PTPRD: variants seen among roughly 807,000 people sequenced by gnomAD.
The protein encoded by PTPRD is protein tyrosine phosphatase receptor type D, also known as receptor-type tyrosine-protein phosphatase delta.
A neutral mutation model predicts 214.5 loss-of-function variants in PTPRD; 34 were observed. The observed-to-expected ratio is 0.16, with a 90% CI of 0.12 to 0.21. The LOEUF (loss-of-function observed/expected upper bound fraction) is 0.21. Among genes scored for constraint, PTPRD ranks in the 10% least tolerant of loss-of-function variants. PTPRD has a pLI of 1.00. For missense variants in PTPRD, 2,545 were observed against 2,398.7 expected (o/e 1.06, Z -1.27); for synonymous variants, 1,128 against 845.7 (o/e 1.33, Z -5.79).
At chr9:8,520,283 G>T (rs1261668813) in intron 20 of PTPRD, among the ~76,000 whole-genome samples, 1 of 152,112 alleles carries the variant, frequency 6.6e-6, no homozygotes, top group African/African-American at 2.4e-5. Flanking sequence ...TTTCACGATT[G>T]TAAATGTTGA....
At chr9:9,382,893 A>C (rs1047303636) in intron 9 of PTPRD, among the ~76,000 whole-genome samples, 3 of 152,256 alleles carry the variant, frequency 2.0e-5, no homozygotes, top group East Asian at 3.9e-4. Flanking sequence ...AGACACAAAA[A>C]CAACCAACCT....
rs1008954856 is a variant in PTPRD at position 8,813,299 on chromosome 9, A to C, written c.-103-79353T>G. Among the ~76,000 whole-genome samples the C allele has an allele frequency of 9.2e-5, 14 of 152,270 alleles. No homozygotes were observed. In the South Asian group the frequency reaches 2.9e-3, roughly 32 times the overall value. ...GAGGCTGGAGGAAGAGGCCAGAGGG[A>C]GTCACCAGCCACAAAGGAATAGCTT... is the stretch of plus-strand genomic sequence containing the variant. On this transcript the variant is annotated intron_variant, in intron 11 of 45. Transcript: ENST00000381196.
chr9:8,934,393 A>ATG (rs756848411), intron 11 of PTPRD, among the ~76,000 whole-genome samples: 599 of 48,194 alleles, frequency 0.012, 25 homozygotes, highest in Non-Finnish European at 0.016. Context: ...AATACTAATT[A>ATG]TGTGTGTGTG....
chr9:10,490,174 T>C (rs1426307312), intron 2 of PTPRD, among the ~76,000 whole-genome samples: 1 of 152,200 alleles, frequency 6.6e-6, no homozygotes, highest in African/African-American at 2.4e-5. Context: ...AGGGATATAG[T>C]TATTTTTCTC....
intron 8 of PTPRD, among the ~76,000 whole-genome samples, chr9:9,495,967 C>G (rs2096165506): frequency 6.6e-6 from 1 of 152,120 alleles, no homozygotes. Context: ...CACCTCAGGC[C>G]CCGCATGAAG....
intron 3 of PTPRD, among the ~76,000 whole-genome samples, chr9:10,149,673 T>A (rs570295348): frequency 1.3e-5 from 2 of 152,062 alleles, no homozygotes; most frequent in Non-Finnish European, 2.9e-5. Flanking sequence ...TTATTGATTA[T>A]CTATAAAACT....
chr9:10,597,051 T>C (rs1480601634), intron 2 of PTPRD, among the ~76,000 whole-genome samples: 3 of 151,246 alleles, frequency 2.0e-5, no homozygotes, highest in South Asian at 2.1e-4. Flanking sequence ...ATCTAGGTTA[T>C]AGTCTTGGAT....
chr9:9,146,114 A>G (rs1173194844), intron 10 of PTPRD, among the ~76,000 whole-genome samples: 1 of 152,204 alleles, frequency 6.6e-6, no homozygotes, highest in Non-Finnish European at 1.5e-5. Flanking sequence ...GGGTTTTGAT[A>G]CACATTTTCC....
intron 11 of PTPRD, among the ~76,000 whole-genome samples, chr9:8,797,725 G>C (rs1447560146): frequency 6.6e-6 from 1 of 152,124 alleles, no homozygotes; most frequent in African/African-American, 2.4e-5. Flanking sequence ...ACTATGCTTT[G>C]TATTAAAGAT....
intron 35 of PTPRD, among the ~76,000 whole-genome samples, chr9:8,418,537 G>A (rs1195382196): frequency 1.3e-5 from 2 of 151,660 alleles, no homozygotes; most frequent in Non-Finnish European, 2.9e-5. Flanking sequence ...AAAATGGCTA[G>A]CCCAGTGCAT....
At chr9:9,583,971 G>T (rs1417586941) in intron 7 of PTPRD, among the ~76,000 whole-genome samples, 1 of 151,638 alleles carries the variant, frequency 6.6e-6, no homozygotes, top group Non-Finnish European at 1.5e-5. Flanking sequence ...ATACTTTTTT[G>T]CCAATTGGCA....
chr9:10,088,442 G>C (rs2098384515), intron 3 of PTPRD, among the ~76,000 whole-genome samples: 1 of 151,714 alleles, frequency 6.6e-6, no homozygotes, highest in African/African-American at 2.4e-5. Flanking sequence ...AAATGATTTA[G>C]TGTTAGGATC....
intron 14 of PTPRD, among the ~76,000 whole-genome samples, chr9:8,575,777 C>T (rs754807297): frequency 8.5e-5 from 13 of 152,114 alleles, no homozygotes; most frequent in Non-Finnish European, 1.6e-4. Context: ...GGAAATTGTG[C>T]AACAAATGTA....
intron 10 of PTPRD, among the ~76,000 whole-genome samples, chr9:9,123,177 C>T (rs758561190): frequency 2.6e-5 from 4 of 152,184 alleles, no homozygotes; most frequent in South Asian, 2.1e-4. Context: ...TTTTCATTTG[C>T]GGTTAGATTT....
At chr9:8,520,631 T>C (rs972963301) in intron 20 of PTPRD, among the ~76,000 whole-genome samples, 11 of 152,326 alleles carry the variant, frequency 7.2e-5, no homozygotes, top group Admixed American at 5.2e-4. Context: ...TACCCTTACA[T>C]GCTTGTACTC....
chr9:8,925,277 A>C (rs949040429), intron 11 of PTPRD, among the ~76,000 whole-genome samples: 6 of 152,024 alleles, frequency 3.9e-5, no homozygotes, highest in African/African-American at 1.2e-4. Context: ...ACCTTCCTAC[A>C]TTAAAGGGTG....
At chr9:8,318,907 T>G (rs1824405354) in intron 45 of PTPRD, among the ~76,000 whole-genome samples, 1 of 152,118 alleles carries the variant, frequency 6.6e-6, no homozygotes. Context: ...GGGCTGAAAG[T>G]AGACAGATAG....
chr9:10,441,240 A>C (rs533519266), intron 2 of PTPRD, among the ~76,000 whole-genome samples: 5 of 151,642 alleles, frequency 3.3e-5, no homozygotes, highest in Non-Finnish European at 7.4e-5. Context: ...TCCACAATAA[A>C]AGCTCATATA....
At chr9:8,330,729 T>G (rs1189772518) in intron 44 of PTPRD, among the ~76,000 whole-genome samples, 2 of 152,134 alleles carry the variant, frequency 1.3e-5, no homozygotes, top group Admixed American at 1.3e-4. Flanking sequence ...AGAACACAGC[T>G]ATCTTAGCCC....
Sources: gnomAD v4.1 joint callset for allele counts (sites outside exome capture counted in the v4.1 genomes callset) on GRCh38, gnomAD v4.1.1 for gene constraint, MANE v1.5 for transcripts, NCBI Gene and HGNC (gene_info 2026-07-23, HGNC 2026-07-21) for gene names.